FGF2: variants seen among roughly 807,000 people sequenced by gnomAD.
FGF2 encodes the protein basic fibroblast growth factor bFGF.
FGF2 carries 13 observed loss-of-function variants against 15.9 expected under a neutral mutation model. The observed-to-expected ratio is 0.82, with a 90% CI of 0.53 to 1.30. The LOEUF is 1.30. FGF2 is among the 50% of genes most tolerant of loss of function. FGF2 has a pLI of 0.00. For missense variants in FGF2, 163 were observed against 196.9 expected (o/e 0.83, Z 1.03); for synonymous variants, 90 against 78.4 (o/e 1.15, Z -0.78).
chr4:122,834,363 G>T (rs1235088939), intron 1 of FGF2, among the ~76,000 whole-genome samples: 2 of 152,096 alleles, frequency 1.3e-5, no homozygotes, highest in Admixed American at 1.3e-4. Context: ...ATTTTCTTTT[G>T]TGAATAATAT....
chr4:122,869,994 T>C (rs1270943279), intron 1 of FGF2, among the ~76,000 whole-genome samples: 1 of 152,220 alleles, frequency 6.6e-6, no homozygotes. Context: ...CTTATTATTT[T>C]GAGATATGTT....
chr4:122,826,683 T>C, upstream of FGF2: 1 of 1,254,380 alleles, frequency 8.0e-7, no homozygotes, highest in African/African-American at 1.6e-5. Flanking sequence ...TTGCGTGTTG[T>C]GGCCGAACCG....
At chr4:122,883,201 T>C (rs773400123) in intron 2 of FGF2, 1 of 152,224 alleles carries the variant, frequency 6.6e-6, no homozygotes, top group African/African-American at 2.4e-5. Flanking sequence ...ATTCCTGCAG[T>C]GATTTCTAAA....
At chr4:122,835,430 T>TTGTCTC (rs1213426656) in intron 1 of FGF2, among the ~76,000 whole-genome samples, 2 of 152,110 alleles carry the variant, frequency 1.3e-5, no homozygotes, top group African/African-American at 2.4e-5. Context: ...AGATCATGTA[T>TTGTCTC]TGTCTCTGTC....
intron 1 of FGF2, among the ~76,000 whole-genome samples, chr4:122,867,315 A>T (rs1726621428): frequency 1.3e-5 from 2 of 152,242 alleles, no homozygotes; most frequent in Admixed American, 1.3e-4. Flanking sequence ...TAAGGCTATA[A>T]CAGGTAAAAC....
intron 1 of FGF2, among the ~76,000 whole-genome samples, chr4:122,836,595 T>G (rs975045953): frequency 5.9e-5 from 9 of 152,330 alleles, no homozygotes; most frequent in African/African-American, 1.9e-4. Flanking sequence ...TACTCTTTCC[T>G]ATTCTGAGGG....
In FGF2 at chr4:122,829,909, G is replaced by A. The variant is rs150151678; in HGVS notation, c.178+2557G>A. On this transcript the variant is annotated intron_variant, in intron 1 of 2. Transcript: ENST00000644866. ...CTGATAGTTGACCAAACCATGAGGA[G>A]ACCCCCCAAAACAAATAAAACTGAC... is the stretch of plus-strand genomic sequence containing the variant. Among the ~76,000 whole-genome samples, 1,090 of 152,224 alleles carry A rather than the reference G, an allele frequency of 7.2e-3. 13 individuals carry two copies. Among genetic ancestry groups the A allele is most frequent in the Middle Eastern group, 0.02 (6 of 294 alleles).
At chr4:122,872,496 C>T (rs1726761350) in intron 1 of FGF2, among the ~76,000 whole-genome samples, 1 of 151,916 alleles carries the variant, frequency 6.6e-6, no homozygotes. Flanking sequence ...CAAGACAGGC[C>T]AACATGCAAA....
At chr4:122,844,170 C>T (rs1726053128) in intron 1 of FGF2, among the ~76,000 whole-genome samples, 1 of 152,202 alleles carries the variant, frequency 6.6e-6, no homozygotes, top group Non-Finnish European at 1.5e-5. Flanking sequence ...TCCTTTGTGG[C>T]CATTTCAACA....
intron 2 of FGF2, chr4:122,888,889 A>G (rs1727111098): frequency 6.6e-6 from 1 of 152,136 alleles, no homozygotes; most frequent in Admixed American, 6.6e-5. Flanking sequence ...TGTCTCCCCC[A>G]GCTAGAATTT....
At chr4:122,856,421 T>G (rs1340682800) in intron 1 of FGF2, among the ~76,000 whole-genome samples, 1 of 152,194 alleles carries the variant, frequency 6.6e-6, no homozygotes, top group African/African-American at 2.4e-5. Context: ...CGGGCTCTTC[T>G]GCCCTTGGGT....
intron 1 of FGF2, among the ~76,000 whole-genome samples, chr4:122,861,696 A>G (rs561627655): frequency 7.9e-5 from 12 of 152,118 alleles, no homozygotes; most frequent in Non-Finnish European, 1.2e-4. Context: ...ACTCCTTAAC[A>G]TAGTATTCAG....
chr4:122,886,144 C>A (rs1490982386), intron 2 of FGF2, among the ~76,000 whole-genome samples: 1 of 151,762 alleles, frequency 6.6e-6, no homozygotes, highest in Non-Finnish European at 1.5e-5. Flanking sequence ...TGGTCTCGAA[C>A]TCCTGGGCTC....
At chr4:122,880,511 G>A (rs771800526) in intron 2 of FGF2, among the ~76,000 whole-genome samples, 3 of 152,122 alleles carry the variant, frequency 2.0e-5, no homozygotes. Flanking sequence ...GCCTCCCAAA[G>A]TGCTGGGATT....
chr4:122,852,010 A>G, intron 1 of FGF2, among the ~76,000 whole-genome samples: 1 of 152,244 alleles, frequency 6.6e-6, no homozygotes, highest in Non-Finnish European at 1.5e-5. Flanking sequence ...AGTACTGTCA[A>G]ATAATAAGTA....
At chr4:122,837,852 T>A (rs1725897761) in intron 1 of FGF2, among the ~76,000 whole-genome samples, 1 of 152,206 alleles carries the variant, frequency 6.6e-6, no homozygotes, top group Non-Finnish European at 1.5e-5. Context: ...TACCTTTAAA[T>A]GTAAGACTTA....
chr4:122,870,976 C>T (rs1726719142), intron 1 of FGF2, among the ~76,000 whole-genome samples: 1 of 152,110 alleles, frequency 6.6e-6, no homozygotes, highest in Non-Finnish European at 1.5e-5. Flanking sequence ...AAAAATTTCC[C>T]TCTTAATACT....
chr4:122,827,288 C>T lies in FGF2; in HGVS notation c.114C>T (p.Gly38=). The T allele has an allele frequency of 1.2e-6, 2 of 1,612,942 alleles. No homozygotes were observed. Among genetic ancestry groups the T allele is most frequent in the Non-Finnish European group, 8.5e-7 (1 of 1,179,896 alleles). Residue 38 remains glycine (G), a synonymous_variant, in exon 1 of 3, where the codon GGC becomes GGT. Coordinates refer to ENST00000644866, the MANE Select transcript of FGF2 (RefSeq NM_001361665.2). This position sits in a 1 kb window ranked among gnomAD's most constrained non-coding sequence, Gnocchi z 4.2. Reference sequence around the variant, plus strand: ...AGCGGCTGTACTGCAAAAACGGGGGCTTCTTCCTGCGCATCCACCCCGACG... The same window carrying T: ...AGCGGCTGTACTGCAAAAACGGGGGTTTCTTCCTGCGCATCCACCCCGACG... ...DPKRLYCKNG[G]FFLRIHPDGR...
chr4:122,827,400 T>A lies in FGF2; in HGVS notation c.178+48T>A. 6.3e-7 allele frequency: 1 copy of A among 1,593,990 alleles called. No individual in the cohort carries two copies. Among genetic ancestry groups the A allele is most frequent in the Non-Finnish European group, 8.6e-7 (1 of 1,164,252 alleles). Reference sequence around the variant, plus strand: ...CGCCTCATTTCCATTTCGTGGGTTCTCGCCCGCTCTCTCCCCTCCAGCCTG... The same window carrying A: ...CGCCTCATTTCCATTTCGTGGGTTCACGCCCGCTCTCTCCCCTCCAGCCTG... On this transcript the variant is annotated intron_variant, in intron 1 of 2. Transcript: ENST00000644866. This position sits in a 1 kb window ranked among gnomAD's most constrained non-coding sequence, Gnocchi z 4.2.
Sources: gnomAD v4.1 joint callset for allele counts (sites outside exome capture counted in the v4.1 genomes callset) on GRCh38, gnomAD v4.1.1 for gene constraint, Gnocchi (gnomAD v3.1) non-coding constraint, MANE v1.5 for transcripts, NCBI Gene and HGNC (gene_info 2026-07-23, HGNC 2026-07-21) for gene names.